EIF2A: variants seen among roughly 807,000 people sequenced by gnomAD.
EIF2A encodes the protein 65 kDa eukaryotic translation initiation factor 2A.
In EIF2A, 62 loss-of-function variants were observed where a neutral mutation model predicts 75.2. That is an observed-to-expected ratio of 0.82 (90% CI 0.67 to 1.02). The LOEUF (loss-of-function observed/expected upper bound fraction) is 1.02. Ranked by LOEUF, EIF2A falls within the 50% of genes least tolerant of loss-of-function variation. The probability of loss-of-function intolerance (pLI) is 0.00; values close to 1 mark genes in which losing one functional copy is unlikely to be tolerated. For missense variants in EIF2A, 611 were observed against 677.7 expected, an observed-to-expected ratio of 0.90 and a Z score of 1.09; for synonymous variants, 207 against 239.0, an observed-to-expected ratio of 0.87 and a Z score of 1.23.
At chr3:150,573,692 C>A (rs942341732) in intron 10 of EIF2A, among the ~76,000 whole-genome samples, 2 of 151,796 alleles carry the variant, frequency 1.3e-5, no homozygotes, top group Non-Finnish European at 2.9e-5. Context: ...GTATCTAATT[C>A]CAGAAATGAG....
At chr3:150,554,975 T>A (rs1723486436) in intron 2 of EIF2A, among the ~76,000 whole-genome samples, 1 of 152,172 alleles carries the variant, frequency 6.6e-6, no homozygotes, top group Non-Finnish European at 1.5e-5. Flanking sequence ...CTGCCCAGGC[T>A]AGAATGGAGT....
rs76337832 is a variant in EIF2A at position 150,570,232 on chromosome 3, A to G, written c.812-1726A>G. ...TAGAGAAGAATAATGGATTATTACA[A>G]TGAGAGAAGAAAAGAGTCCATAAAT... On this transcript the variant is annotated intron_variant, in intron 9 of 13. Transcript: ENST00000460851. 1.0e-3 allele frequency among the ~76,000 whole-genome samples: 157 copies of G among 152,312 alleles called. 2 individuals carry two copies. In the East Asian group the frequency reaches 0.025, roughly 24 times the overall value.
intron 4 of EIF2A, 82 bp downstream of exon 4, chr3:150,562,742 C>G: frequency 2.9e-6 from 3 of 1,021,102 alleles, no homozygotes; most frequent in Middle Eastern, 2.1e-4. Flanking sequence ...AGTTTATAAC[C>G]TCATAAGAAA....
intron 11 of EIF2A, among the ~76,000 whole-genome samples, chr3:150,577,638 C>T (rs746457612): frequency 6.6e-6 from 1 of 150,692 alleles, no homozygotes; most frequent in Admixed American, 6.6e-5. Flanking sequence ...CCAGGCTAGT[C>T]GCAAACTCCT....
intron 6 of EIF2A, chr3:150,565,088 G>A (rs1325469514): frequency 2.4e-6 from 1 of 424,320 alleles, no homozygotes; most frequent in Non-Finnish European, 4.7e-6. Context: ...TATTGTTTAA[G>A]AAACAAGGTT....
chr3:150,585,665 A>G lies in EIF2A; in HGVS notation c.*1754A>G, dbSNP rs1263073776. 1.3e-5 allele frequency among the ~76,000 whole-genome samples: 2 copies of G among 152,228 alleles called. No individual in the cohort carries two copies. The highest frequency in any genetic ancestry group is 4.8e-5 in the African/African-American group (2 of 41,458). ...TGTATTAGGTAATACATAATGCCTA[A>G]TACATAACTAATATATGGACAGGAA... On this transcript the variant is annotated 3_prime_UTR_variant, in exon 14 of 14. Coordinates refer to ENST00000460851, the MANE Select transcript of EIF2A (RefSeq NM_032025.5).
At chr3:150,563,827 T>G (rs1724015300) in intron 5 of EIF2A, among the ~76,000 whole-genome samples, 2 of 152,170 alleles carry the variant, frequency 1.3e-5, no homozygotes, top group Admixed American at 6.5e-5. Flanking sequence ...TTCTTTTTTT[T>G]GTTTGTTTGA....
chr3:150,561,347 G>A (rs1260087235), intron 3 of EIF2A, among the ~76,000 whole-genome samples: 1 of 152,208 alleles, frequency 6.6e-6, no homozygotes, highest in Non-Finnish European at 1.5e-5. Flanking sequence ...GAAGGCCAGG[G>A]TGGGTGGATC....
intron 3 of EIF2A, among the ~76,000 whole-genome samples, chr3:150,559,829 T>G (rs796202678): frequency 2.6e-5 from 4 of 152,108 alleles, no homozygotes; most frequent in African/African-American, 9.7e-5. Context: ...AATAATATAA[T>G]TATAATGAGT....
rs1036067305 is a variant in EIF2A, at chr3:150,585,575, A to C, written c.*1664A>C. On this transcript the variant is annotated 3_prime_UTR_variant, in exon 14 of 14. Coordinates refer to ENST00000460851, the MANE Select transcript of EIF2A (RefSeq NM_032025.5). ...CCTTCTATATGAGTCTCTCTCTCTT[A>C]TCTCTCTCAGGATGTGTGTATGTGT... The C allele has an allele frequency of 1.7e-4, 26 of 152,158 alleles. No homozygotes were observed. Among genetic ancestry groups the C allele is most frequent in the African/African-American group, 6.3e-4 (26 of 41,424 alleles). The allele number at this position is 152,158 out of a possible 1,614,324, so 9.4% of individuals were successfully genotyped here.
Position 150,580,464 on chromosome 3 carries a change from C to T in EIF2A, c.1498-1154C>T, listed in dbSNP as rs909617234. Among the ~76,000 whole-genome samples, 13 of 152,044 alleles carry T rather than the reference C, an allele frequency of 8.6e-5. 1 individual carries two copies. Among genetic ancestry groups the T allele is most frequent in the Admixed American group, 2.0e-4 (3 of 15,282 alleles). On this transcript the variant is annotated intron_variant, in intron 11 of 13. Coordinates refer to ENST00000460851, the MANE Select transcript of EIF2A (RefSeq NM_032025.5). ...AATGGTGTTGTATTCACCCTTTTTG[C>T]GACAATGTGAGATGGTACAATGCTT...
At chr3:150,574,434 G>A (rs903701252) in intron 10 of EIF2A, among the ~76,000 whole-genome samples, 2 of 151,978 alleles carry the variant, frequency 1.3e-5, no homozygotes, top group African/African-American at 4.8e-5. Context: ...AAACTTTTCG[G>A]CCAAAGTAAA....
intron 1 of EIF2A, among the ~76,000 whole-genome samples, chr3:150,548,773 G>T (rs186508112): frequency 2.6e-4 from 40 of 152,200 alleles, no homozygotes; most frequent in Non-Finnish European, 1.6e-4. Context: ...GACTTTGTAA[G>T]AGCTTAAATG....
At chr3:150,556,467 A>C (rs1211053437) in intron 2 of EIF2A, among the ~76,000 whole-genome samples, 1 of 152,206 alleles carries the variant, frequency 6.6e-6, no homozygotes, top group Non-Finnish European at 1.5e-5. Context: ...TAAGAAGTTA[A>C]TTTTGTGAGA....
intron 9 of EIF2A, among the ~76,000 whole-genome samples, chr3:150,570,702 A>G (rs13072593): frequency 0.22 from 32,730 of 152,138 alleles, 4,270 homozygotes; most frequent in East Asian, 0.42. Context: ...TAGGCTGATG[A>G]AGATAAAAAT....
At chr3:150,567,880 G>T in intron 7 of EIF2A, 22 bp from the exon 8 acceptor site, 1 of 1,585,478 alleles carries the variant, frequency 6.3e-7, no homozygotes, top group Non-Finnish European at 8.5e-7. Context: ...ATTAAGTAAT[G>T]ATTTATGTCT....
At chr3:150,554,115 G>A (rs938740084) in intron 2 of EIF2A, among the ~76,000 whole-genome samples, 8 of 152,166 alleles carry the variant, frequency 5.3e-5, no homozygotes, top group African/African-American at 1.7e-4. Flanking sequence ...TTAAAGGGTC[G>A]TAGGAAGCAA....
intron 11 of EIF2A, among the ~76,000 whole-genome samples, chr3:150,576,200 G>A (rs148356989): frequency 2.0e-3 from 310 of 152,226 alleles, no homozygotes; most frequent in African/African-American, 7.1e-3. Context: ...CAGCACTTTG[G>A]GAGGCCAACG....
At chr3:150,556,304 C>G (rs1723568077) in intron 2 of EIF2A, among the ~76,000 whole-genome samples, 1 of 152,162 alleles carries the variant, frequency 6.6e-6, no homozygotes. Context: ...CTGTGCTGTA[C>G]ATATCTTCTA....
Sources: allele counts gnomAD v4.1 joint callset (sites outside exome capture counted in the v4.1 genomes callset), GRCh38; gene constraint gnomAD v4.1.1; transcripts MANE v1.5; gene names NCBI Gene and HGNC (gene_info 2026-07-23, HGNC 2026-07-21).